The following CFAP61 variants were observed in gnomAD, a reference collection of about 807,000 sequenced individuals.
The protein encoded by CFAP61 is cilia- and flagella-associated protein 61.
A neutral mutation model predicts 135.6 loss-of-function variants in CFAP61; 107 were observed. The ratio of observed to expected loss-of-function variants is 0.79; its 90% confidence interval spans 0.67 to 0.93. CFAP61 has a LOEUF of 0.93. Among genes scored for constraint, CFAP61 ranks in the 40% least tolerant of loss-of-function variants. The pLI is 0.00. For synonymous variants in CFAP61, 575 were observed against 578.5 expected, an observed-to-expected ratio of 0.99 and a Z score of 0.09; for missense variants, 1,507 against 1,556.2, an observed-to-expected ratio of 0.97 and a Z score of 0.53.
intron 18 of CFAP61, among the ~76,000 whole-genome samples, chr20:20,236,987 AT>A (rs1314418924): frequency 6.6e-6 from 1 of 152,160 alleles, no homozygotes; most frequent in Non-Finnish European, 1.5e-5. Context: ...ATCATTAATC[AT>A]TTCCCCTAAA....
intron 24 of CFAP61, among the ~76,000 whole-genome samples, chr20:20,296,000 T>C (rs2055405525): frequency 1.0e-5 from 1 of 98,590 alleles, no homozygotes; most frequent in Non-Finnish European, 2.3e-5. Context: ...CCTCCTTCCT[T>C]CCTTCCTTCC....
chr20:20,199,986 G>A, intron 17 of CFAP61, 84 bp downstream of exon 17: 7 of 1,478,962 alleles, frequency 4.7e-6, no homozygotes, highest in South Asian at 1.2e-5. Flanking sequence ...GTCTTCACAG[G>A]AGCAGGCTGC....
chr20:20,187,115 C>T (rs1218356588), intron 13 of CFAP61, among the ~76,000 whole-genome samples: 1 of 152,146 alleles, frequency 6.6e-6, no homozygotes, highest in Admixed American at 6.5e-5. Context: ...CACTGCCTGC[C>T]CAAGGTGGGG....
chr20:20,209,881 C>T (rs2047510101), intron 17 of CFAP61, among the ~76,000 whole-genome samples: 2 of 152,122 alleles, frequency 1.3e-5, no homozygotes, highest in Admixed American at 1.3e-4. Flanking sequence ...GAGTTCAGAA[C>T]ATCAGCTTTT....
intron 25 of CFAP61, among the ~76,000 whole-genome samples, chr20:20,301,215 T>G (rs545860185): frequency 6.6e-6 from 1 of 152,244 alleles, no homozygotes; most frequent in South Asian, 2.1e-4. Context: ...CCTTTTTAAA[T>G]CTTTTATGCC....
intron 21 of CFAP61, among the ~76,000 whole-genome samples, chr20:20,272,268 C>T (rs2053414422): frequency 6.6e-6 from 1 of 152,006 alleles, no homozygotes; most frequent in Admixed American, 6.6e-5. Context: ...GGTGAAACCC[C>T]ATCTCTATTA....
At chr20:20,352,025 A>G (rs886204169) in intron 26 of CFAP61, among the ~76,000 whole-genome samples, 2 of 152,192 alleles carry the variant, frequency 1.3e-5, no homozygotes, top group African/African-American at 2.4e-5. Flanking sequence ...CAGCATGTGT[A>G]TTAGTCCATT....
intron 6 of CFAP61, among the ~76,000 whole-genome samples, chr20:20,089,762 CG>C (rs1426655876): frequency 6.6e-6 from 1 of 152,100 alleles, no homozygotes; most frequent in Admixed American, 6.5e-5. Flanking sequence ...CACCTGCCAC[CG>C]CCCCCTGTGC....
chr20:20,098,710 T>A lies in CFAP61; in HGVS notation c.755T>A (p.Leu252Gln), dbSNP rs780328337. ...MSVCSRVNMQ[L>Q]LHECFDLGPF... ...GTGTGCTCAAGAGTGAACATGCAAC[T>A]GCTGCATGAGTGCTTTGACTTGGGC... is the stretch of plus-strand genomic sequence containing the variant. The change falls in exon 8 of 27, where the codon CTG (leucine) becomes CAG (glutamine). Residue 252 changes from leucine to glutamine, a missense_variant. Coordinates refer to ENST00000245957, the MANE Select transcript of CFAP61 (RefSeq NM_015585.4). The A allele has an allele frequency of 8.1e-6, 13 of 1,613,446 alleles. No homozygotes were observed. The highest frequency in any genetic ancestry group is 1.1e-5 in the Non-Finnish European group (13 of 1,179,772).
At chr20:20,116,968 A>G (rs1303224496) in intron 8 of CFAP61, among the ~76,000 whole-genome samples, 1 of 152,112 alleles carries the variant, frequency 6.6e-6, no homozygotes, top group Non-Finnish European at 1.5e-5. Context: ...GCTTGCTAGT[A>G]TTTTGCTGAG....
At chr20:20,129,388 A>C (rs900437004) in intron 8 of CFAP61, among the ~76,000 whole-genome samples, 1 of 151,824 alleles carries the variant, frequency 6.6e-6, no homozygotes, top group African/African-American at 2.4e-5. Flanking sequence ...TGAAAATGTC[A>C]TCTCACTCCC....
intron 21 of CFAP61, among the ~76,000 whole-genome samples, chr20:20,264,979 AG>A (rs2052588375): frequency 6.6e-6 from 1 of 152,238 alleles, no homozygotes; most frequent in Non-Finnish European, 1.5e-5. Context: ...AAGCAACTAT[AG>A]ACAATATGTA....
chr20:20,262,659 G>T (rs1569209868), intron 20 of CFAP61, among the ~76,000 whole-genome samples: 1 of 152,172 alleles, frequency 6.6e-6, no homozygotes, highest in African/African-American at 2.4e-5. Context: ...ACCTTGCCCT[G>T]TCTGAATTAC....
At chr20:20,140,036 G>C (rs1188160777) in intron 8 of CFAP61, among the ~76,000 whole-genome samples, 2 of 149,550 alleles carry the variant, frequency 1.3e-5, no homozygotes, top group African/African-American at 4.9e-5. Context: ...CTGATCAAAA[G>C]TAATCAATGA....
chr20:20,208,499 C>T (rs573046667), intron 17 of CFAP61, among the ~76,000 whole-genome samples: 3 of 152,348 alleles, frequency 2.0e-5, no homozygotes, highest in East Asian at 1.9e-4. Context: ...TGGGGAGGGC[C>T]TCTTGTCTCT....
In CFAP61 at chr20:20,143,308, G is replaced by A. The variant is rs114051176; in HGVS notation, c.951+360G>A. ...GACACACTATCTGCATACTCCAATG[G>A]GACAGCATTTTCCTTACTGCCCTGA... On this transcript the variant is annotated intron_variant, in intron 9 of 26. Transcript: ENST00000245957. 2.8e-3 allele frequency among the ~76,000 whole-genome samples: 428 copies of A among 152,202 alleles called. 1 individual carries two copies. Among genetic ancestry groups the A allele is most frequent in the African/African-American group, 9.8e-3 (406 of 41,522 alleles).
At chr20:20,330,344 T>C (rs537892637) in intron 25 of CFAP61, among the ~76,000 whole-genome samples, 1 of 152,162 alleles carries the variant, frequency 6.6e-6, no homozygotes, top group South Asian at 2.1e-4. Context: ...TTTTGTTTGT[T>C]TGTTTGTTTT....
At chr20:20,173,063 T>C (rs1349401649) in intron 13 of CFAP61, among the ~76,000 whole-genome samples, 3 of 152,182 alleles carry the variant, frequency 2.0e-5, no homozygotes, top group Non-Finnish European at 4.4e-5. Context: ...TGCTTTTTTT[T>C]CACGGATTAG....
At chr20:20,340,992 G>A (rs1049397326) in intron 25 of CFAP61, among the ~76,000 whole-genome samples, 10 of 152,012 alleles carry the variant, frequency 6.6e-5, no homozygotes, top group Admixed American at 3.3e-4. Context: ...TAACTTTTAC[G>A]TCTTGGAAAA....
Sources: gnomAD v4.1 joint callset for allele counts (sites outside exome capture counted in the v4.1 genomes callset) on GRCh38, gnomAD v4.1.1 for gene constraint, MANE v1.5 for transcripts, NCBI Gene and HGNC (gene_info 2026-07-23, HGNC 2026-07-21) for gene names.